The following C2CD2 variants were observed in gnomAD, a reference collection of about 807,000 sequenced individuals.
The protein encoded by C2CD2 is C2 domain-containing protein 2.
A neutral mutation model predicts 74.3 loss-of-function variants in C2CD2; 43 were observed. That is an observed-to-expected ratio of 0.58 (90% CI 0.45 to 0.75). C2CD2 has a LOEUF of 0.75. Among genes scored for constraint, C2CD2 ranks in the 30% least tolerant of loss-of-function variants. The probability of loss-of-function intolerance (pLI) is 0.00; values close to 1 mark genes in which losing one functional copy is unlikely to be tolerated. For missense variants in C2CD2, 801 were observed against 916.3 expected (o/e 0.87, Z 1.63); for synonymous variants, 422 against 390.7 (o/e 1.08, Z -0.94).
chr21:41,914,658 C>T lies in C2CD2; in HGVS notation c.784G>A (p.Glu262Lys), dbSNP rs746490900. 20 of 1,613,596 alleles carry T rather than the reference C, an allele frequency of 1.2e-5. No individual in the cohort carries two copies. The highest frequency in any genetic ancestry group is 1.2e-4 in the South Asian group (11 of 91,060). The part of the protein sequence containing the change: ...SCPPKPPRAH[E>K]LKLLVRNIHV... ...ATGTTCCTCACCAGTAGCTTCAGCT[C>T]GTGAGCCCTTGGAGGTTTAGGAGGA... The change falls in exon 6 of 14, where the codon GAG (glutamate) becomes AAG (lysine). Residue 262 changes from glutamate to lysine, a missense_variant. Coordinates refer to ENST00000380486, the MANE Select transcript of C2CD2 (RefSeq NM_015500.2).
At position 41,944,392 on chromosome 21, in the gene C2CD2, G is replaced by A. The variant is rs147239556; in HGVS notation, c.280-2147C>T. On this transcript the variant is annotated intron_variant, in intron 1 of 13. Coordinates refer to ENST00000380486, the MANE Select transcript of C2CD2 (RefSeq NM_015500.2). ...AAAAAATTAGCCAGGCGTGGTGGCA[G>A]GTGCCTGTAATCCCAGCTACTCGGG... Among the ~76,000 whole-genome samples, 801 of 151,958 alleles carry A rather than the reference G, an allele frequency of 5.3e-3. 3 individuals carry two copies. The highest frequency in any genetic ancestry group is 0.01 in the Middle Eastern group (3 of 294).
Position 41,926,475 on chromosome 21 carries a change from G to T in C2CD2, c.379-4390C>A. On this transcript the variant is annotated intron_variant, in intron 2 of 13. Transcript: ENST00000380486. The surrounding 1 kb of genome is among the most constrained non-coding windows in gnomAD (Gnocchi z 8.0). ...AAGCACCACGGGGAGGGGAAAACAA[G>T]ACTGAAGGCTGAAGAGCAGGCTGAG... 3.5e-6 allele frequency: 3 copies of T among 866,004 alleles called. No homozygotes were observed. Among genetic ancestry groups the T allele is most frequent in the Non-Finnish European group, 4.2e-6 (3 of 720,868 alleles). 53.6% of individuals were successfully genotyped at this position (866,004 alleles called of 1,614,324 possible). A position where few individuals can be genotyped will look rare whatever the true frequency, so the allele number is the denominator to read the frequency against.
Position 41,929,426 on chromosome 21 carries a change from C to T in C2CD2, c.379-7341G>A, listed in dbSNP as rs2065244607. Among the ~76,000 whole-genome samples, 1 of 152,168 alleles carries T rather than the reference C, an allele frequency of 6.6e-6. No homozygotes were observed. Among genetic ancestry groups the T allele is most frequent in the Non-Finnish European group, 1.5e-5 (1 of 68,032 alleles). On this transcript the variant is annotated intron_variant, in intron 2 of 13. Coordinates refer to ENST00000380486, the MANE Select transcript of C2CD2 (RefSeq NM_015500.2). The surrounding 1 kb of genome is among the most constrained non-coding windows in gnomAD (Gnocchi z 4.6). ...GGGTACTGCACGGGCACAGGCCTGC[C>T]CTGCTTCCCACAGCCCTGCACGGGA...
rs566707736 is a variant in C2CD2 at position 41,952,390 on chromosome 21, G to A, written c.279+980C>T. On this transcript the variant is annotated intron_variant, in intron 1 of 13. Transcript: ENST00000380486. ...AATATTTTGAAGGTTGATGGGGCCG[G>A]ACATTGAAAATGAGCAATTCTGCTA... is the stretch of plus-strand genomic sequence containing the variant. Among the ~76,000 whole-genome samples the A allele has an allele frequency of 2.9e-3, 438 of 152,320 alleles. 1 individual carries two copies. Among genetic ancestry groups the A allele is most frequent in the Middle Eastern group, 0.01 (3 of 294 alleles).
At chr21:41,905,585 T>G in intron 11 of C2CD2, 139 bp downstream of exon 11, 12 of 565,118 alleles carry the variant, frequency 2.1e-5, no homozygotes, top group Admixed American at 3.4e-5. Context: ...CCCAAAGTGC[T>G]GAGATTACGG....
rs138967523 is a variant in C2CD2 at position 41,907,058 on chromosome 21, T to G, written c.1252A>C (p.Thr418Pro). 3.4e-3 allele frequency: 5,560 copies of G among 1,614,006 alleles called. 19 individuals carry two copies. Among genetic ancestry groups the G allele is most frequent in the Non-Finnish European group, 4.3e-3 (5,028 of 1,179,868 alleles). The change falls in exon 10 of 14, where the codon ACT (threonine) becomes CCT (proline). Residue 418 changes from threonine (T) to proline (P), a missense_variant. Thr to Pro is a conservative substitution (Grantham distance 38, BLOSUM62 -1). Transcript: ENST00000380486. The stretch of plus-strand genomic sequence containing the variant: ...TTGGTCTTCACAGCAGTGACAGTAG[T>G]GACCACAGTCCCACAGGGCATCACC... ...RTVMPCGTVVTTVTAVKTKPR... is the reference protein window; with the variant it reads ...RTVMPCGTVVPTVTAVKTKPR...
intron 1 of C2CD2, among the ~76,000 whole-genome samples, chr21:41,951,470 C>T (rs1230656008): frequency 6.6e-6 from 1 of 150,904 alleles, no homozygotes; most frequent in Admixed American, 6.7e-5. Context: ...AGCATGAATC[C>T]GGGACACTGT....
At chr21:41,942,025 G>A (rs1208274785) in intron 2 of C2CD2, 122 bp downstream of exon 2, 3 of 1,311,518 alleles carry the variant, frequency 2.3e-6, no homozygotes, top group Non-Finnish European at 3.1e-6. Flanking sequence ...GGGCCAGATG[G>A]TTGTTTTGAT....
intron 7 of C2CD2, among the ~76,000 whole-genome samples, chr21:41,909,759 T>TGG (rs2065005089): frequency 6.6e-6 from 1 of 152,182 alleles, no homozygotes; most frequent in South Asian, 2.1e-4. Context: ...TGTTCTGTGA[T>TGG]GGCAGTGACA....
rs1366089601 is a variant in C2CD2 at position 41,903,750 on chromosome 21, A to G, written c.1432+1974T>C. On this transcript the variant is annotated intron_variant, in intron 11 of 13. Coordinates refer to ENST00000380486, the MANE Select transcript of C2CD2 (RefSeq NM_015500.2). This position sits in a 1 kb window ranked among gnomAD's most constrained non-coding sequence, Gnocchi z 4.5. ...AGAGCCCGGTCCAGGTGCCAGGTGC[A>G]GCCTGCACCGTGGCAGGTGAGCCTG... Among the ~76,000 whole-genome samples, 1 of 151,958 alleles carries G rather than the reference A, an allele frequency of 6.6e-6. No homozygotes were observed. Among genetic ancestry groups the G allele is most frequent in the Non-Finnish European group, 1.5e-5 (1 of 67,986 alleles).
chr21:41,941,143 AGAG>A (rs1021113987), intron 2 of C2CD2, among the ~76,000 whole-genome samples: 10 of 152,178 alleles, frequency 6.6e-5, no homozygotes, highest in African/African-American at 2.4e-4. Context: ...CTTGAAACTA[AGAG>A]GAGGTCAAAA....
At chr21:41,951,001 G>A (rs1288028283) in intron 1 of C2CD2, among the ~76,000 whole-genome samples, 1 of 152,160 alleles carries the variant, frequency 6.6e-6, no homozygotes, top group Admixed American at 6.5e-5. Flanking sequence ...AGGCGAGAGC[G>A]GGCTTGGAGT....
chr21:41,925,814 C>T (rs1319732117), intron 2 of C2CD2, among the ~76,000 whole-genome samples: 2 of 152,168 alleles, frequency 1.3e-5, no homozygotes, highest in Non-Finnish European at 2.9e-5. Context: ...TCTAGTTAGC[C>T]TTCCTAAGTG....
At chr21:41,919,779 G>A (rs1028709119) in intron 3 of C2CD2, among the ~76,000 whole-genome samples, 4 of 152,230 alleles carry the variant, frequency 2.6e-5, no homozygotes, top group Non-Finnish European at 4.4e-5. Flanking sequence ...ACAGAACAGC[G>A]GCCCCCAAAG....
At chr21:41,893,694 A>ATTTC (rs2064784124) in intron 13 of C2CD2, among the ~76,000 whole-genome samples, 1 of 126,280 alleles carries the variant, frequency 7.9e-6, no homozygotes, top group African/African-American at 3.2e-5. Context: ...GTTTTGTTAA[A>ATTTC]TTTCTTTTTT....
intron 2 of C2CD2, among the ~76,000 whole-genome samples, chr21:41,937,951 G>A (rs1030409988): frequency 1.3e-5 from 2 of 152,180 alleles, no homozygotes; most frequent in Admixed American, 6.5e-5. Flanking sequence ...AGACGCTGGG[G>A]AGTTGGGGAC....
intron 1 of C2CD2, among the ~76,000 whole-genome samples, chr21:41,946,989 G>C (rs1400847401): frequency 6.6e-6 from 1 of 152,098 alleles, no homozygotes; most frequent in Non-Finnish European, 1.5e-5. Context: ...ACCCTTAATG[G>C]GACCCTAGAA....
chr21:41,901,754 C>T lies in C2CD2; in HGVS notation c.1433-5G>A, dbSNP rs758756853. ...AACCATTCAACACCAACAATTCTAC[C>T]AGAAGGAAGGCAGTGTTAAGTTCAT... On this transcript the variant is annotated splice_polypyrimidine_tract_variant and splice_region_variant and intron_variant, in intron 11 of 13. Coordinates refer to ENST00000380486, the MANE Select transcript of C2CD2 (RefSeq NM_015500.2). 1.3e-5 allele frequency: 21 copies of T among 1,613,820 alleles called. No homozygotes were observed. Among genetic ancestry groups the T allele is most frequent in the Non-Finnish European group, 1.8e-5 (21 of 1,179,666 alleles).
Position 41,892,503 on chromosome 21 carries a change from A to G in C2CD2, c.1871-3159T>C, listed in dbSNP as rs140520993. 6.9e-4 allele frequency among the ~76,000 whole-genome samples: 105 copies of G among 152,304 alleles called. No individual in the cohort carries two copies. Among genetic ancestry groups the G allele is most frequent in the East Asian group, 4.0e-3 (21 of 5,188 alleles). On this transcript the variant is annotated intron_variant, in intron 13 of 13. Transcript: ENST00000380486. The surrounding 1 kb of genome is among the most constrained non-coding windows in gnomAD (Gnocchi z 4.6). Reference sequence around the variant, plus strand: ...CCATGTCTTCCTGTTCAGTCCTTAGAACCCAGGCAGCAACATGGAGGAGTG... The same window carrying G: ...CCATGTCTTCCTGTTCAGTCCTTAGGACCCAGGCAGCAACATGGAGGAGTG...
Sources: gnomAD v4.1 joint callset for allele counts (sites outside exome capture counted in the v4.1 genomes callset) on GRCh38, gnomAD v4.1.1 for gene constraint, Gnocchi (gnomAD v3.1) non-coding constraint, MANE v1.5 for transcripts, NCBI Gene and HGNC (gene_info 2026-07-23, HGNC 2026-07-21) for gene names.